UST: variants seen among roughly 807,000 people sequenced by gnomAD.
UST encodes the protein chondroitin sulfate 2-O-sulfotransferase.
In UST, 21 loss-of-function variants were observed where a neutral mutation model predicts 45.6. That is an observed-to-expected ratio of 0.46 (90% confidence interval 0.33 to 0.66). The LOEUF (loss-of-function observed/expected upper bound fraction) is 0.66, where lower values mean the gene tolerates loss of function less well. Among genes scored for constraint, UST ranks in the 30% least tolerant of loss-of-function variants. UST has a pLI of 0.02. For synonymous variants in UST, 215 were observed against 200.6 expected, an observed-to-expected ratio of 1.07 and a Z score of -0.61; for missense variants, 463 against 512.4, an observed-to-expected ratio of 0.90 and a Z score of 0.93.
At chr6:148,888,993 A>G (rs571171018) in intron 2 of UST, among the ~76,000 whole-genome samples, 17 of 152,362 alleles carry the variant, frequency 1.1e-4, no homozygotes, top group African/African-American at 4.1e-4. Context: ...GAATTAGACC[A>G]TGGAATCCAG....
chr6:149,010,895 C>CAAAAAAAAAAAAA (rs1172538648), intron 5 of UST, among the ~76,000 whole-genome samples: 41 of 65,594 alleles, frequency 6.3e-4, no homozygotes, highest in African/African-American at 9.9e-4. Context: ...CCGTCTCAAC[C>CAAAAAAAAAAAAA]AAAAAAAAAA....
chr6:148,964,273 A>T, intron 4 of UST, 137 bp from the exon 5 acceptor site: 1 of 1,003,986 alleles, frequency 1.0e-6, no homozygotes, highest in Non-Finnish European at 1.5e-6. Context: ...CCGTTTGCTT[A>T]TTACGTGTCA....
At chr6:148,894,368 A>G (rs1239994545) in intron 2 of UST, among the ~76,000 whole-genome samples, 2 of 152,200 alleles carry the variant, frequency 1.3e-5, no homozygotes, top group African/African-American at 4.8e-5. Context: ...CCTAAAGACA[A>G]TGATTGATGT....
rs540027796 is a variant in UST at position 148,888,307 on chromosome 6, C to T, written c.291+1278C>T. Among the ~76,000 whole-genome samples, 4 of 152,314 alleles carry T rather than the reference C, an allele frequency of 2.6e-5. No individual in the cohort carries two copies. The East Asian group carries it at 5.8e-4, about 22-fold the overall frequency. On this transcript the variant is annotated intron_variant, in intron 2 of 7. Coordinates refer to ENST00000367463, the MANE Select transcript of UST (RefSeq NM_005715.3). ...GTGCTAAACCCTGAAAATCCACCCT[C>T]ATGATCCAGTCACCTCCCACCAGGC...
intron 7 of UST, among the ~76,000 whole-genome samples, chr6:149,031,472 T>A (rs1776140203): frequency 6.6e-6 from 1 of 152,236 alleles, no homozygotes; most frequent in South Asian, 2.1e-4. Context: ...AATTGCAGCA[T>A]AATATATGTG....
intron 7 of UST, among the ~76,000 whole-genome samples, chr6:149,024,805 A>G (rs1776026564): frequency 6.6e-6 from 1 of 152,216 alleles, no homozygotes; most frequent in South Asian, 2.1e-4. Context: ...GAGAGAAGAA[A>G]AGCTAAAATC....
At chr6:148,836,898 T>TA (rs1286257981) in intron 1 of UST, among the ~76,000 whole-genome samples, 4 of 152,142 alleles carry the variant, frequency 2.6e-5, no homozygotes, top group Non-Finnish European at 5.9e-5. Flanking sequence ...TGAAGACACT[T>TA]ACATTTGGGG....
chr6:148,808,630 C>T (rs780196285), intron 1 of UST, among the ~76,000 whole-genome samples: 4 of 151,940 alleles, frequency 2.6e-5, no homozygotes, highest in South Asian at 2.1e-4. Context: ...ATTAAAGAAG[C>T]GTTGGGATAT....
At chr6:149,040,905 A>G (rs533026721) in intron 7 of UST, among the ~76,000 whole-genome samples, 24 of 152,298 alleles carry the variant, frequency 1.6e-4, no homozygotes, top group African/African-American at 5.5e-4. Context: ...TTGTCATAGT[A>G]GAGACAGGCA....
At chr6:148,920,983 A>C (rs576188624) in intron 2 of UST, among the ~76,000 whole-genome samples, 58 of 152,300 alleles carry the variant, frequency 3.8e-4, no homozygotes, top group African/African-American at 1.3e-3. Flanking sequence ...CCCCTTTATA[A>C]GCTCTCCTCA....
At chr6:149,019,333 T>C in intron 6 of UST, 97 bp downstream of exon 6, 3 of 860,374 alleles carry the variant, frequency 3.5e-6, no homozygotes, top group Non-Finnish European at 5.8e-6. Flanking sequence ...GTATCCCTAG[T>C]CTCTCAACCT....
intron 5 of UST, among the ~76,000 whole-genome samples, chr6:148,981,231 A>G (rs115666046): frequency 2.6e-5 from 4 of 152,294 alleles, no homozygotes; most frequent in South Asian, 2.1e-4. Flanking sequence ...AATCCTCACA[A>G]TGATCTTATG....
intron 5 of UST, among the ~76,000 whole-genome samples, chr6:148,978,335 A>T (rs941418585): frequency 5.3e-5 from 8 of 152,210 alleles, no homozygotes. Flanking sequence ...ATTTTATAGT[A>T]TATAGTCTTT....
chr6:149,016,336 C>T (rs1264695320), intron 5 of UST, among the ~76,000 whole-genome samples: 1 of 152,234 alleles, frequency 6.6e-6, no homozygotes, highest in Admixed American at 6.5e-5. Flanking sequence ...CTCCTCCGCC[C>T]TCCCCTCACC....
At chr6:148,885,179 A>G (rs1778890554) in intron 1 of UST, among the ~76,000 whole-genome samples, 1 of 152,130 alleles carries the variant, frequency 6.6e-6, no homozygotes. Context: ...AAAATTTAGT[A>G]TTTTAGAAAT....
At chr6:148,975,631 A>C (rs1354300170) in intron 5 of UST, among the ~76,000 whole-genome samples, 1 of 152,194 alleles carries the variant, frequency 6.6e-6, no homozygotes, top group African/African-American at 2.4e-5. Context: ...AGAGCCTCAC[A>C]ACTGCATGTG....
At chr6:148,900,233 A>G (rs2114862666) in intron 2 of UST, among the ~76,000 whole-genome samples, 1 of 152,244 alleles carries the variant, frequency 6.6e-6, no homozygotes, top group Admixed American at 6.5e-5. Context: ...GCCTGCTCCC[A>G]TCAGAACGGC....
At chr6:148,986,729 A>C (rs10046358) in intron 5 of UST, among the ~76,000 whole-genome samples, 40,510 of 152,152 alleles carry the variant, frequency 0.27, 5,762 homozygotes, top group African/African-American at 0.39. Flanking sequence ...AAAATTCCTG[A>C]AACCACCCTC....
chr6:149,031,107 T>C (rs999832496), intron 7 of UST, among the ~76,000 whole-genome samples: 1 of 151,690 alleles, frequency 6.6e-6, no homozygotes, highest in Non-Finnish European at 1.5e-5. Context: ...CTCAGGAGGC[T>C]GAGGCAGGAG....
Sources: gnomAD v4.1 joint callset for allele counts (sites outside exome capture counted in the v4.1 genomes callset) on GRCh38, gnomAD v4.1.1 for gene constraint, MANE v1.5 for transcripts, NCBI Gene and HGNC (gene_info 2026-07-23, HGNC 2026-07-21) for gene names.